Variants in RIT2 observed in about 807,000 individuals in gnomAD.
The protein encoded by RIT2 is GTP-binding protein Rit2.
A neutral mutation model predicts 23.7 loss-of-function variants in RIT2; 24 were observed. The observed-to-expected ratio is 1.01, with a 90% CI of 0.73 to 1.43. The LOEUF is 1.43. Among genes scored for constraint, RIT2 ranks in the 40% most tolerant of loss-of-function variants. RIT2 has a pLI of 0.00. For missense variants in RIT2, 236 were observed against 266.9 expected, an observed-to-expected ratio of 0.88 and a Z score of 0.81; for synonymous variants, 107 against 91.1, an observed-to-expected ratio of 1.17 and a Z score of -0.99.
At chr18:43,103,249 A>T (rs1913730826) in intron 1 of RIT2, among the ~76,000 whole-genome samples, 1 of 152,132 alleles carries the variant, frequency 6.6e-6, no homozygotes, top group South Asian at 2.1e-4. Flanking sequence ...ATTTTACTAC[A>T]TATGCCCGGT....
intron 4 of RIT2, among the ~76,000 whole-genome samples, chr18:42,800,057 A>C (rs1390566535): frequency 6.6e-6 from 1 of 152,222 alleles, no homozygotes; most frequent in Non-Finnish European, 1.5e-5. Flanking sequence ...TATCTCTGGC[A>C]CTTTGAAAAG....
At chr18:42,939,765 C>G (rs1335477288) in intron 3 of RIT2, among the ~76,000 whole-genome samples, 1 of 151,956 alleles carries the variant, frequency 6.6e-6, no homozygotes, top group African/African-American at 2.4e-5. Flanking sequence ...GTCTCCCTTC[C>G]AACATTATTG....
At chr18:42,771,030 T>C (rs577787360) in intron 4 of RIT2, among the ~76,000 whole-genome samples, 1 of 152,194 alleles carries the variant, frequency 6.6e-6, no homozygotes, top group Non-Finnish European at 1.5e-5. Context: ...AACTTTCTGA[T>C]AGAGCTTCTA....
intron 1 of RIT2, among the ~76,000 whole-genome samples, chr18:43,090,384 G>A (rs1361651127): frequency 6.6e-6 from 1 of 151,962 alleles, no homozygotes; most frequent in Non-Finnish European, 1.5e-5. Context: ...GAGGCTGTTG[G>A]GGTCGTGGAG....
At chr18:42,810,017 T>A (rs1905800112) in intron 4 of RIT2, among the ~76,000 whole-genome samples, 1 of 146,304 alleles carries the variant, frequency 6.8e-6, no homozygotes, top group African/African-American at 2.5e-5. Context: ...AAGTTATATA[T>A]GTTACATATA....
At chr18:43,102,676 CAA>C (rs1353200043) in intron 1 of RIT2, among the ~76,000 whole-genome samples, 1 of 151,762 alleles carries the variant, frequency 6.6e-6, no homozygotes, top group Non-Finnish European at 1.5e-5. Context: ...TCTTTGGAGA[CAA>C]AGTCTCGCTC....
At chr18:43,061,425 G>T (rs1165791879) in intron 1 of RIT2, among the ~76,000 whole-genome samples, 2 of 152,038 alleles carry the variant, frequency 1.3e-5, no homozygotes, top group Admixed American at 6.6e-5. Flanking sequence ...CTTTTTCAGG[G>T]TTGGGTATGC....
At chr18:43,069,354 T>C (rs1321295038) in intron 1 of RIT2, among the ~76,000 whole-genome samples, 1 of 152,174 alleles carries the variant, frequency 6.6e-6, no homozygotes, top group African/African-American at 2.4e-5. Context: ...GGCTTTACAC[T>C]GTGGACTCGC....
intron 1 of RIT2, among the ~76,000 whole-genome samples, chr18:43,040,371 T>C (rs759630433): frequency 1.3e-4 from 20 of 152,316 alleles, no homozygotes; most frequent in Non-Finnish European, 2.9e-4. Flanking sequence ...GGCAAATGGC[T>C]GAACAAGCTT....
chr18:42,767,332 C>T (rs535813136), intron 4 of RIT2, among the ~76,000 whole-genome samples: 1 of 152,314 alleles, frequency 6.6e-6, no homozygotes, highest in East Asian at 1.9e-4. Flanking sequence ...GGATGTGAGA[C>T]CTGGAGTCAA....
Position 42,743,321 on chromosome 18 carries a change from G to C in RIT2, c.*172C>G. Reference sequence around the variant, plus strand: ...GACAAAATCCATCCAACTGTTAAAGGCAAAACAAAACTATCTCAAGAGGTA... The same window carrying C: ...GACAAAATCCATCCAACTGTTAAAGCCAAAACAAAACTATCTCAAGAGGTA... On this transcript the variant is annotated 3_prime_UTR_variant, in exon 5 of 5. Coordinates refer to ENST00000326695, the MANE Select transcript of RIT2 (RefSeq NM_002930.4). 1.6e-6 allele frequency: 1 copy of C among 607,248 alleles called. No homozygotes were observed. The highest frequency in any genetic ancestry group is 2.9e-6 in the Non-Finnish European group (1 of 345,200). The allele number at this position is 607,248 out of a possible 1,614,324, so 37.6% of individuals were successfully genotyped here. A position where few individuals can be genotyped will look rare whatever the true frequency, so the allele number is the denominator to read the frequency against.
At chr18:43,093,502 CCT>C (rs2144363334) in intron 1 of RIT2, among the ~76,000 whole-genome samples, 1 of 148,976 alleles carries the variant, frequency 6.7e-6, no homozygotes, top group African/African-American at 2.4e-5. Context: ...ATTTATTCCC[CCT>C]TTGTTTTTTG....
chr18:42,850,715 T>C (rs1907029459), intron 4 of RIT2, among the ~76,000 whole-genome samples: 1 of 152,300 alleles, frequency 6.6e-6, no homozygotes, highest in East Asian at 1.9e-4. Context: ...TTCTTTGGTT[T>C]TCATGCAAAA....
chr18:42,760,334 GT>G (rs1449494796), intron 4 of RIT2, among the ~76,000 whole-genome samples: 3 of 152,208 alleles, frequency 2.0e-5, no homozygotes, highest in African/African-American at 7.2e-5. Context: ...GCATGCTGGA[GT>G]AAGGAAGGTA....
At chr18:42,971,916 T>C (rs1910370255) in intron 3 of RIT2, among the ~76,000 whole-genome samples, 1 of 152,030 alleles carries the variant, frequency 6.6e-6, no homozygotes, top group Non-Finnish European at 1.5e-5. Flanking sequence ...AGGAGAAATA[T>C]ATTGGCTATT....
chr18:42,920,225 A>C (rs557654682), intron 4 of RIT2, among the ~76,000 whole-genome samples: 60 of 152,272 alleles, frequency 3.9e-4, no homozygotes, highest in African/African-American at 1.3e-3. Context: ...CTGATATAAA[A>C]AAATAAGTTC....
intron 4 of RIT2, among the ~76,000 whole-genome samples, chr18:42,871,182 ACTCT>A (rs1266659006): frequency 1.3e-4 from 20 of 152,074 alleles, no homozygotes; most frequent in Non-Finnish European, 2.5e-4. Flanking sequence ...CATCACCTAA[ACTCT>A]CTTAACCCTG....
chr18:42,889,370 TTC>T (rs1253118537), intron 4 of RIT2, among the ~76,000 whole-genome samples: 1 of 152,058 alleles, frequency 6.6e-6, no homozygotes, highest in Non-Finnish European at 1.5e-5. Context: ...ATGCTAAACT[TTC>T]TGATTTCACT....
intron 4 of RIT2, among the ~76,000 whole-genome samples, chr18:42,874,706 T>C (rs935001251): frequency 2.6e-5 from 4 of 152,136 alleles, no homozygotes; most frequent in African/African-American, 7.2e-5. Context: ...TATCATGTTA[T>C]GAATCAAGAG....
Sources: gnomAD v4.1 joint callset for allele counts (sites outside exome capture counted in the v4.1 genomes callset) on GRCh38, gnomAD v4.1.1 for gene constraint, MANE v1.5 for transcripts, NCBI Gene and HGNC (gene_info 2026-07-23, HGNC 2026-07-21) for gene names.